The following PAPPA2 variants were observed in gnomAD, a reference collection of about 807,000 sequenced individuals.
PAPPA2 encodes pappalysin 2.
Under a neutral mutation model 176.4 loss-of-function variants are expected in PAPPA2, and 86 were observed. That is an observed-to-expected ratio of 0.49 (90% CI 0.41 to 0.58). The LOEUF (loss-of-function observed/expected upper bound fraction) is 0.58, where lower values mean the gene tolerates loss of function less well. PAPPA2 is among the 20% of genes least tolerant of loss of function. The pLI, the probability that PAPPA2 is intolerant of heterozygous loss-of-function variation, is 0.00. For synonymous variants in PAPPA2, 809 were observed against 852.2 expected (o/e 0.95, Z 0.88); for missense variants, 2,073 against 2,256.9 (o/e 0.92, Z 1.65).
At position 176,595,516 on chromosome 1, in the gene PAPPA2, G is replaced by A. The variant is rs1168232006; in HGVS notation, c.1912G>A (p.Asp638Asn). The change falls in exon 3 of 23, where the codon GAC (aspartate) becomes AAC (asparagine). Residue 638 changes from aspartate (D) to asparagine (N), a missense_variant. Around this residue, in one of 4 missense-constraint regions of PAPPA2, gnomAD observed 1,196 missense variants for 1,330.4 expected, o/e 0.90. Transcript: ENST00000367662. ...CHVECNNMLN[D>N]FDDGDCCDPQ... ...CGTGGAGTGTAACAACATGCTGAAC[G>A]ACTTTGACGACGGAGACTGCTGCGA... 13 of 1,614,070 alleles carry A rather than the reference G, an allele frequency of 8.1e-6. No homozygotes were observed. Among genetic ancestry groups the A allele is most frequent in the Admixed American group, 5.0e-5 (3 of 60,004 alleles).
chr1:176,662,900 A>G (rs543770950), intron 3 of PAPPA2, among the ~76,000 whole-genome samples: 1 of 152,328 alleles, frequency 6.6e-6, no homozygotes, highest in South Asian at 2.1e-4. Flanking sequence ...GTTTATTTCA[A>G]TAAGGAAATT....
chr1:176,717,096 C>T (rs571628030), intron 12 of PAPPA2, among the ~76,000 whole-genome samples: 37 of 152,280 alleles, frequency 2.4e-4, no homozygotes, highest in African/African-American at 8.9e-4. Flanking sequence ...GATAGACCTC[C>T]ACCCTTCTGC....
At chr1:176,481,399 G>A (rs6682030) in intron 1 of PAPPA2, among the ~76,000 whole-genome samples, 1,851 of 151,850 alleles carry the variant, frequency 0.012, 36 homozygotes, top group African/African-American at 0.042. Context: ...GCTTTGAGAC[G>A]GAATAGTCTG....
intron 3 of PAPPA2, among the ~76,000 whole-genome samples, chr1:176,641,431 A>G (rs1573180032): frequency 6.6e-6 from 1 of 151,246 alleles, no homozygotes; most frequent in Non-Finnish European, 1.5e-5. Context: ...TCCCAGCACC[A>G]TTTATTAAAT....
Position 176,556,188 on chromosome 1 carries a change from A to T in PAPPA2, c.-135A>T, listed in dbSNP as rs1651273190. The T allele has an allele frequency of 9.4e-7, 1 of 1,061,522 alleles. No individual in the cohort carries two copies. Among genetic ancestry groups the T allele is most frequent in the African/African-American group, 1.6e-5 (1 of 63,204 alleles). 65.8% of individuals were successfully genotyped at this position (1,061,522 alleles called of 1,614,324 possible). ...AGGCATTCTTGGGGCTATTTGAAAA[A>T]GTTTGGTCTGTGAACAAAACAGTTT... is the stretch of plus-strand genomic sequence containing the variant. On this transcript the variant is annotated 5_prime_UTR_variant, in exon 2 of 23. In the 5' UTR this introduces an upstream ATG that the reference lacks. Transcript: ENST00000367662.
chr1:176,723,994 A>G (rs1165075680), intron 12 of PAPPA2, among the ~76,000 whole-genome samples: 3 of 152,186 alleles, frequency 2.0e-5, no homozygotes, highest in African/African-American at 7.2e-5. Context: ...TGCTTTTTCT[A>G]CATCACTCAA....
At chr1:176,538,133 T>C (rs1650169719) in intron 1 of PAPPA2, among the ~76,000 whole-genome samples, 1 of 152,102 alleles carries the variant, frequency 6.6e-6, no homozygotes, top group African/African-American at 2.4e-5. Flanking sequence ...TTTCTCACCT[T>C]CTCTTCCTAC....
chr1:176,524,779 T>G (rs1649395009), intron 1 of PAPPA2, among the ~76,000 whole-genome samples: 1 of 152,138 alleles, frequency 6.6e-6, no homozygotes, highest in Non-Finnish European at 1.5e-5. Context: ...ATCCCAGCAC[T>G]TTGGGAGGCC....
intron 1 of PAPPA2, among the ~76,000 whole-genome samples, chr1:176,473,029 T>G (rs1229369267): frequency 6.6e-6 from 1 of 152,176 alleles, no homozygotes; most frequent in Admixed American, 6.5e-5. Flanking sequence ...CAATGACACA[T>G]CATTATCACC....
chr1:176,581,360 A>G lies in PAPPA2; in HGVS notation c.920-13164A>G, dbSNP rs114432413. On this transcript the variant is annotated intron_variant, in intron 2 of 22. Coordinates refer to ENST00000367662, the MANE Select transcript of PAPPA2 (RefSeq NM_020318.3). ...CCAGTACAATGCTATTTTGGTTACT[A>G]TAGCTTTGTAGTAAATTTTAAAGTC... Among the ~76,000 whole-genome samples the G allele has an allele frequency of 2.4e-3, 367 of 152,296 alleles. 2 individuals carry two copies. Among genetic ancestry groups the G allele is most frequent in the African/African-American group, 8.5e-3 (354 of 41,570 alleles).
chr1:176,638,109 G>A (rs1365785597), intron 3 of PAPPA2, among the ~76,000 whole-genome samples: 2 of 151,964 alleles, frequency 1.3e-5, no homozygotes, highest in African/African-American at 4.8e-5. Context: ...CACAACATCA[G>A]GCATATTTAT....
intron 5 of PAPPA2, chr1:176,691,135 G>A: frequency 2.0e-6 from 2 of 985,060 alleles, no homozygotes; most frequent in Non-Finnish European, 2.4e-6. Flanking sequence ...CTTGTGAAAA[G>A]TAATAGTGAC....
chr1:176,467,802 A>G (rs926018281), intron 1 of PAPPA2, among the ~76,000 whole-genome samples: 1 of 152,254 alleles, frequency 6.6e-6, no homozygotes, highest in African/African-American at 2.4e-5. Context: ...TGCTAGACAC[A>G]TAATTGGTAC....
At chr1:176,758,207 AT>A (rs1663522629) in intron 14 of PAPPA2, among the ~76,000 whole-genome samples, 2 of 152,332 alleles carry the variant, frequency 1.3e-5, no homozygotes, top group South Asian at 2.1e-4. Context: ...ACTTGAATTA[AT>A]TTTATTTTCC....
chr1:176,798,296 T>C (rs1364552281), intron 20 of PAPPA2, among the ~76,000 whole-genome samples: 1 of 152,228 alleles, frequency 6.6e-6, no homozygotes, highest in Non-Finnish European at 1.5e-5. Flanking sequence ...ATTAAAGATT[T>C]TGAACTCTTT....
At chr1:176,743,321 T>C (rs1411585371) in intron 14 of PAPPA2, among the ~76,000 whole-genome samples, 2 of 152,212 alleles carry the variant, frequency 1.3e-5, no homozygotes, top group Non-Finnish European at 2.9e-5. Context: ...TTCCTTTAAC[T>C]TGGTTCTGTC....
intron 12 of PAPPA2, among the ~76,000 whole-genome samples, chr1:176,712,367 G>T (rs911818282): frequency 5.9e-5 from 9 of 152,018 alleles, no homozygotes; most frequent in African/African-American, 2.2e-4. Flanking sequence ...CACTGAGGTG[G>T]ATACTATTTC....
rs764274557 is a variant in PAPPA2, at chr1:176,556,602, C to T, written c.280C>T (p.Arg94Cys). ...VGEQEIHHTGRSKPDTEGNAV... is the reference protein window; with the variant it reads ...VGEQEIHHTGCSKPDTEGNAV... Reference sequence around the variant, plus strand: ...GGAGCAAGAAATCCATCATACAGGACGCAGCAAACCAGACACTGAAGGAAA... The same window carrying T: ...GGAGCAAGAAATCCATCATACAGGATGCAGCAAACCAGACACTGAAGGAAA... The change falls in exon 2 of 23, where the codon CGC (arginine) becomes TGC (cysteine). Residue 94 changes from arginine to cysteine, a missense_variant. Transcript: ENST00000367662. 6.7e-5 allele frequency: 108 copies of T among 1,614,048 alleles called. 1 individual carries two copies. The highest frequency in any genetic ancestry group is 7.4e-5 in the Non-Finnish European group (87 of 1,180,050).
At chr1:176,807,394 G>A (rs941094668) in intron 21 of PAPPA2, among the ~76,000 whole-genome samples, 1 of 151,958 alleles carries the variant, frequency 6.6e-6, no homozygotes, top group South Asian at 2.1e-4. Flanking sequence ...GAAAGAATGA[G>A]GAGCTGTCAG....
Sources: allele counts gnomAD v4.1 joint callset (sites outside exome capture counted in the v4.1 genomes callset), GRCh38; gene constraint gnomAD v4.1.1; regional missense constraint gnomAD v4.1.1; transcripts MANE v1.5; gene names NCBI Gene and HGNC (gene_info 2026-07-23, HGNC 2026-07-21).